GPM6A: variants seen among roughly 807,000 people sequenced by gnomAD.
The protein encoded by GPM6A is glycoprotein M6A.
In GPM6A, 7 loss-of-function variants were observed where a neutral mutation model predicts 32.1. That is an observed-to-expected ratio of 0.22 (90% CI 0.12 to 0.41). GPM6A has a LOEUF of 0.41. Ranked by LOEUF, GPM6A falls within the 10% of genes least tolerant of loss-of-function variation. GPM6A has a pLI of 1.00. For synonymous variants in GPM6A, 130 were observed against 123.4 expected (o/e 1.05, Z -0.35); for missense variants, 235 against 347.2 (o/e 0.68, Z 2.57).
At chr4:175,780,001 ATAGTT>A (rs1360180074) in intron 1 of GPM6A, among the ~76,000 whole-genome samples, 5 of 152,106 alleles carry the variant, frequency 3.3e-5, no homozygotes, top group Non-Finnish European at 5.9e-5. Flanking sequence ...TGAAAAAAAA[ATAGTT>A]TAAAGTCAGA....
At chr4:175,817,876 T>C (rs993537457) in intron 1 of GPM6A, among the ~76,000 whole-genome samples, 1 of 152,324 alleles carries the variant, frequency 6.6e-6, no homozygotes, top group South Asian at 2.1e-4. Context: ...GCTCCTTAGC[T>C]TTTTTAGAGT....
At chr4:175,898,808 A>G (rs1495711) in intron 1 of GPM6A, among the ~76,000 whole-genome samples, 18,682 of 152,220 alleles carry the variant, frequency 0.12, 1,257 homozygotes, top group Non-Finnish European at 0.15. Flanking sequence ...AAATAAATAA[A>G]TAAGATCATG....
intron 4 of GPM6A, among the ~76,000 whole-genome samples, chr4:175,645,828 C>T (rs936813468): frequency 6.6e-6 from 1 of 152,112 alleles, no homozygotes; most frequent in Non-Finnish European, 1.5e-5. Flanking sequence ...AATTAACTCC[C>T]TACTATGAAA....
chr4:175,837,551 T>C (rs1022499440), intron 1 of GPM6A, among the ~76,000 whole-genome samples: 12 of 152,056 alleles, frequency 7.9e-5, no homozygotes, highest in Admixed American at 5.9e-4. Context: ...TGGACAAATT[T>C]TGGCAATATT....
At chr4:175,841,699 A>C (rs1735941395) in intron 1 of GPM6A, among the ~76,000 whole-genome samples, 1 of 152,204 alleles carries the variant, frequency 6.6e-6, no homozygotes, top group African/African-American at 2.4e-5. Flanking sequence ...ATGCTAAATT[A>C]TAACTACATA....
intron 3 of GPM6A, among the ~76,000 whole-genome samples, chr4:175,672,903 G>A (rs895037911): frequency 6.6e-6 from 1 of 152,064 alleles, no homozygotes; most frequent in South Asian, 2.1e-4. Context: ...TGGTAAACAG[G>A]CATTTTTGAA....
intron 1 of GPM6A, among the ~76,000 whole-genome samples, chr4:175,710,148 TA>T (rs1406884445): frequency 6.6e-6 from 1 of 152,164 alleles, no homozygotes; most frequent in Non-Finnish European, 1.5e-5. Flanking sequence ...TCTTTTCAAA[TA>T]AGCTTTTTTT....
At chr4:175,716,605 A>G in intron 1 of GPM6A, among the ~76,000 whole-genome samples, 1 of 152,212 alleles carries the variant, frequency 6.6e-6, no homozygotes, top group East Asian at 1.9e-4. Flanking sequence ...GAAGATTATC[A>G]GTATGACTCT....
At chr4:175,937,232 T>C (rs1311898143) in intron 1 of GPM6A, among the ~76,000 whole-genome samples, 1 of 152,132 alleles carries the variant, frequency 6.6e-6, no homozygotes, top group African/African-American at 2.4e-5. Context: ...CATATGTGCA[T>C]TCAAGGGCAA....
intron 1 of GPM6A, among the ~76,000 whole-genome samples, chr4:175,954,894 A>T (rs867295664): frequency 6.6e-6 from 1 of 152,352 alleles, no homozygotes; most frequent in Middle Eastern, 3.4e-3. Context: ...ACTACAGTAA[A>T]TTAACAGCAG....
chr4:175,825,741 T>A (rs1019231795), intron 1 of GPM6A, among the ~76,000 whole-genome samples: 1 of 152,182 alleles, frequency 6.6e-6, no homozygotes, highest in African/African-American at 2.4e-5. Context: ...AAGAAGACAA[T>A]GAGCTTGAGC....
upstream of GPM6A, among the ~76,000 whole-genome samples, chr4:175,813,684 T>G (rs1409484442): frequency 6.6e-6 from 1 of 152,226 alleles, no homozygotes; most frequent in African/African-American, 2.4e-5. Context: ...TCTTGCATTA[T>G]AGCTTGTATT....
intron 3 of GPM6A, among the ~76,000 whole-genome samples, chr4:175,659,592 C>G (rs1353450002): frequency 6.6e-6 from 1 of 152,084 alleles, no homozygotes; most frequent in African/African-American, 2.4e-5. Flanking sequence ...TACATAATGT[C>G]TAAAGCCCCA....
At chr4:175,693,962 G>C (rs1744432745) in intron 2 of GPM6A, among the ~76,000 whole-genome samples, 1 of 152,070 alleles carries the variant, frequency 6.6e-6, no homozygotes, top group South Asian at 2.1e-4. Flanking sequence ...TGTGGTTGTT[G>C]AAAGTGTGCA....
intron 1 of GPM6A, among the ~76,000 whole-genome samples, chr4:175,835,536 A>G (rs1735738406): frequency 1.3e-5 from 2 of 150,922 alleles, no homozygotes; most frequent in South Asian, 4.2e-4. Context: ...TCTAACCACC[A>G]CTATACTGCC....
intron 1 of GPM6A, among the ~76,000 whole-genome samples, chr4:175,739,193 T>A (rs1159397860): frequency 6.6e-6 from 1 of 152,190 alleles, no homozygotes; most frequent in East Asian, 1.9e-4. Flanking sequence ...GCCTGAATTT[T>A]AAAAATTGGT....
intron 1 of GPM6A, among the ~76,000 whole-genome samples, chr4:175,797,431 G>T (rs923389753): frequency 5.3e-5 from 8 of 152,092 alleles, no homozygotes; most frequent in African/African-American, 1.9e-4. Flanking sequence ...TGTGTGATGT[G>T]ATATCAATGT....
intron 1 of GPM6A, among the ~76,000 whole-genome samples, chr4:175,961,588 G>T (rs1173989560): frequency 6.6e-6 from 1 of 152,134 alleles, no homozygotes; most frequent in African/African-American, 2.4e-5. Context: ...AAATCTCCCA[G>T]TGGGGCCTTC....
chr4:175,717,382 T>C (rs1190140680), intron 1 of GPM6A, among the ~76,000 whole-genome samples: 2 of 152,240 alleles, frequency 1.3e-5, no homozygotes, highest in Non-Finnish European at 2.9e-5. Flanking sequence ...TCATGTAGAA[T>C]TCTCTTGATC....
Sources: allele counts gnomAD v4.1 joint callset (sites outside exome capture counted in the v4.1 genomes callset), GRCh38; gene constraint gnomAD v4.1.1; transcripts MANE v1.5; gene names NCBI Gene and HGNC (gene_info 2026-07-23, HGNC 2026-07-21).